NEK7: variants seen among roughly 807,000 people sequenced by gnomAD.
The protein encoded by NEK7 is serine/threonine-protein kinase Nek7.
In NEK7, 18 loss-of-function variants were observed where a neutral mutation model predicts 44.6. That is an observed-to-expected ratio of 0.40 (90% CI 0.28 to 0.60). NEK7 has a LOEUF of 0.60. Ranked by LOEUF, NEK7 falls within the 20% of genes least tolerant of loss-of-function variation. The pLI is 0.38. For missense variants in NEK7, 256 were observed against 366.5 expected (o/e 0.70, Z 2.46); for synonymous variants, 130 against 121.1 (o/e 1.07, Z -0.48).
intron 5 of NEK7, among the ~76,000 whole-genome samples, chr1:198,265,217 C>T (rs1024256566): frequency 1.3e-5 from 2 of 152,044 alleles, no homozygotes; most frequent in African/African-American, 4.8e-5. Context: ...CCAGAATGTA[C>T]TCTCATGAAC....
At chr1:198,301,521 G>T (rs1286757549) in intron 9 of NEK7, among the ~76,000 whole-genome samples, 1 of 152,250 alleles carries the variant, frequency 6.6e-6, no homozygotes, top group Non-Finnish European at 1.5e-5. Flanking sequence ...CTGCGTTCCA[G>T]CCTGGGCGAC....
chr1:198,188,702 A>C (rs1454604442), intron 1 of NEK7, among the ~76,000 whole-genome samples: 1 of 152,156 alleles, frequency 6.6e-6, no homozygotes, highest in African/African-American at 2.4e-5. Flanking sequence ...GAAACACCTA[A>C]AATATTATAA....
At chr1:198,252,832 A>T (rs1653115752) in intron 2 of NEK7, among the ~76,000 whole-genome samples, 1 of 151,820 alleles carries the variant, frequency 6.6e-6, no homozygotes, top group Non-Finnish European at 1.5e-5. Flanking sequence ...TTCCTCAGGT[A>T]CAGGGATTAT....
At chr1:198,306,670 TACAAG>T (rs1655033386) in intron 9 of NEK7, among the ~76,000 whole-genome samples, 1 of 152,156 alleles carries the variant, frequency 6.6e-6, no homozygotes, top group African/African-American at 2.4e-5. Context: ...TATTTAGTCT[TACAAG>T]AGACTATTCA....
chr1:198,236,663 C>T (rs1268921372), intron 2 of NEK7, among the ~76,000 whole-genome samples: 2 of 152,154 alleles, frequency 1.3e-5, no homozygotes, highest in African/African-American at 4.8e-5. Flanking sequence ...AGTTATCCTC[C>T]TCCCAGAATC....
intron 2 of NEK7, among the ~76,000 whole-genome samples, chr1:198,252,134 C>T (rs1029769301): frequency 6.6e-6 from 1 of 151,884 alleles, no homozygotes; most frequent in African/African-American, 2.4e-5. Flanking sequence ...CGTTATGTAC[C>T]CAGTAGTCAT....
At chr1:198,244,690 G>C (rs545989433) in intron 2 of NEK7, among the ~76,000 whole-genome samples, 101 of 152,166 alleles carry the variant, frequency 6.6e-4, no homozygotes, top group South Asian at 2.3e-3. Context: ...ATTCTACTTA[G>C]AGCTGGTAGA....
intron 1 of NEK7, among the ~76,000 whole-genome samples, chr1:198,178,712 T>C (rs1008576504): frequency 3.3e-5 from 5 of 151,914 alleles, no homozygotes; most frequent in South Asian, 4.1e-4. Flanking sequence ...TTGTTGTTGT[T>C]GTCATGGAAT....
chr1:198,226,091 T>C (rs57753436), intron 1 of NEK7, among the ~76,000 whole-genome samples: 11,080 of 152,058 alleles, frequency 0.073, 499 homozygotes, highest in East Asian at 0.18. Context: ...ATCTGGAACA[T>C]TGAATACATA....
chr1:198,279,545 A>G (rs898519950), intron 7 of NEK7, among the ~76,000 whole-genome samples: 2 of 151,928 alleles, frequency 1.3e-5, no homozygotes, highest in African/African-American at 4.8e-5. Flanking sequence ...GATAGGGCTT[A>G]TCTTAAAACT....
intron 1 of NEK7, among the ~76,000 whole-genome samples, chr1:198,199,565 C>T (rs1665356098): frequency 6.6e-6 from 1 of 151,684 alleles, no homozygotes; most frequent in Non-Finnish European, 1.5e-5. Context: ...CTGTTTGCTG[C>T]TGGAATTGTT....
intron 9 of NEK7, among the ~76,000 whole-genome samples, chr1:198,314,006 C>T (rs373217960): frequency 0.064 from 9,405 of 146,606 alleles, 406 homozygotes; most frequent in East Asian, 0.13. Flanking sequence ...GAAGTTCTCC[C>T]GGATAATATC....
At chr1:198,315,441 C>T (rs879859432) in intron 9 of NEK7, among the ~76,000 whole-genome samples, 5 of 152,198 alleles carry the variant, frequency 3.3e-5, no homozygotes, top group Non-Finnish European at 7.3e-5. Flanking sequence ...TGTTCCTATT[C>T]GGCCATCTTG....
intron 1 of NEK7, among the ~76,000 whole-genome samples, chr1:198,183,537 A>G (rs1344792778): frequency 6.6e-6 from 1 of 152,164 alleles, no homozygotes; most frequent in African/African-American, 2.4e-5. Context: ...TAAATATTAT[A>G]CTTTGAAATG....
At position 198,293,360 on chromosome 1, in the gene NEK7, A is replaced by C. The variant is rs536426892; in HGVS notation, c.684+321A>C. On this transcript the variant is annotated intron_variant, in intron 8 of 9. Transcript: ENST00000367385. ...AACATCTGTAAATCTTGATCCATGCATTACAGGAGTGGCATAATGGATTGG... is the reference window on the plus strand; with the variant it reads ...AACATCTGTAAATCTTGATCCATGCCTTACAGGAGTGGCATAATGGATTGG... 1.2e-3 allele frequency among the ~76,000 whole-genome samples: 190 copies of C among 152,048 alleles called. 1 individual carries two copies. The highest frequency in any genetic ancestry group is 0.012 in the South Asian group (60 of 4,830).
chr1:198,210,614 AT>A (rs1305069284), intron 1 of NEK7, among the ~76,000 whole-genome samples: 4 of 129,618 alleles, frequency 3.1e-5, no homozygotes, highest in African/African-American at 1.2e-4. Flanking sequence ...ATATGAAAAA[AT>A]CTTGATATCA....
chr1:198,212,490 G>C (rs141374435), intron 1 of NEK7, among the ~76,000 whole-genome samples: 13 of 152,296 alleles, frequency 8.5e-5, no homozygotes, highest in African/African-American at 2.6e-4. Flanking sequence ...CTTTTGTGCA[G>C]TAGAGGCAGC....
At chr1:198,237,151 T>C (rs1411187966) in intron 2 of NEK7, among the ~76,000 whole-genome samples, 3 of 152,192 alleles carry the variant, frequency 2.0e-5, no homozygotes, top group Admixed American at 2.0e-4. Context: ...TCTCTTGTCT[T>C]AATGGTCCCT....
At chr1:198,197,351 ATGATAAGATACTGTGAAGTT>A (rs1267780609) in intron 1 of NEK7, among the ~76,000 whole-genome samples, 3 of 152,240 alleles carry the variant, frequency 2.0e-5, no homozygotes, top group Non-Finnish European at 4.4e-5. Flanking sequence ...GAATACCAAT[ATGATAAGATACTGTGAAGTT>A]TCTTAATAAA....
Sources: gnomAD v4.1 joint callset for allele counts (sites outside exome capture counted in the v4.1 genomes callset) on GRCh38, gnomAD v4.1.1 for gene constraint, MANE v1.5 for transcripts, NCBI Gene and HGNC (gene_info 2026-07-23, HGNC 2026-07-21) for gene names.